Variants in ADAMTS18 observed in about 807,000 individuals in gnomAD.
The protein encoded by ADAMTS18 is ADAM metallopeptidase with thrombospondin type 1 motif 18, also known as A disintegrin and metalloproteinase with thrombospondin motifs 18.
Under a neutral mutation model 165.9 loss-of-function variants are expected in ADAMTS18, and 157 were observed. The observed-to-expected ratio is 0.95, with a 90% CI of 0.83 to 1.08. ADAMTS18 has a LOEUF of 1.08. Among genes scored for constraint, ADAMTS18 ranks in the 50% least tolerant of loss-of-function variants. The pLI is 0.00. For synonymous variants in ADAMTS18, 782 were observed against 578.2 expected, an observed-to-expected ratio of 1.35 and a Z score of -5.06; for missense variants, 2,040 against 1,534.0, an observed-to-expected ratio of 1.33 and a Z score of -5.51.
chr16:77,413,146 C>G (rs1256755903), intron 3 of ADAMTS18, among the ~76,000 whole-genome samples: 1 of 152,124 alleles, frequency 6.6e-6, no homozygotes, highest in African/African-American at 2.4e-5. Context: ...AGGAGTCACA[C>G]CTGAAGAGCA....
intron 3 of ADAMTS18, among the ~76,000 whole-genome samples, chr16:77,409,971 C>T (rs984896225): frequency 9.9e-5 from 15 of 152,072 alleles, no homozygotes; most frequent in African/African-American, 2.7e-4. Context: ...TTGACTCACC[C>T]GATACTACTT....
intron 2 of ADAMTS18, 30 bp downstream of exon 2, chr16:77,434,388 C>A (rs372213738): frequency 1.9e-6 from 3 of 1,553,466 alleles, no homozygotes; most frequent in African/African-American, 1.3e-5. Flanking sequence ...TGCGAAAGGC[C>A]CTTCTTGGGG....
Position 77,434,310 on chromosome 16 carries a change from C to T in ADAMTS18, c.178+108G>A. The T allele has an allele frequency of 3.1e-6, 4 of 1,300,880 alleles. No homozygotes were observed. In the South Asian group the frequency reaches 5.2e-5, roughly 17 times the overall value. 80.6% of individuals were successfully genotyped at this position (1,300,880 alleles called of 1,614,324 possible). On this transcript the variant is annotated intron_variant, in intron 2 of 22. Transcript: ENST00000282849. ...CAGGAACCATTTCCAAGACAGCGCA[C>T]ACCTGCCAGGTTAGGGGGTGCGCTT... is the stretch of plus-strand genomic sequence containing the variant.
At position 77,286,478 on chromosome 16, in the gene ADAMTS18, T is replaced by C. The variant is rs149163952; in HGVS notation, c.3551-2407A>G. Among the ~76,000 whole-genome samples the C allele has an allele frequency of 1.6e-3, 244 of 152,224 alleles. 1 individual carries two copies. The highest frequency in any genetic ancestry group is 5.7e-3 in the African/African-American group (237 of 41,548). On this transcript the variant is annotated intron_variant, in intron 22 of 22. Coordinates refer to ENST00000282849, the MANE Select transcript of ADAMTS18 (RefSeq NM_199355.4). The stretch of plus-strand genomic sequence containing the variant: ...AAGCACTAAAGACATGTGTGAAAAA[T>C]GGAATTACCTTCTTTAATACTCAAA...
chr16:77,389,903 A>G (rs2057162773), intron 3 of ADAMTS18, among the ~76,000 whole-genome samples: 2 of 152,240 alleles, frequency 1.3e-5, no homozygotes, highest in Non-Finnish European at 2.9e-5. Context: ...AGCCCTAAAT[A>G]TTAATAAGAT....
intron 7 of ADAMTS18, among the ~76,000 whole-genome samples, chr16:77,360,503 TG>T (rs1307920826): frequency 2.3e-4 from 35 of 149,312 alleles, no homozygotes; most frequent in Middle Eastern, 3.4e-3. Context: ...TCTGGTGTTT[TG>T]TTTTTTCCAA....
chr16:77,341,873 T>C (rs1010914507), intron 10 of ADAMTS18, 74 bp from the exon 11 acceptor site: 11 of 1,136,230 alleles, frequency 9.7e-6, no homozygotes, highest in African/African-American at 4.6e-5. Flanking sequence ...AGATGTTGTA[T>C]ATAATATTAT....
chr16:77,376,747 A>C (rs2056959096), intron 3 of ADAMTS18, among the ~76,000 whole-genome samples: 1 of 152,180 alleles, frequency 6.6e-6, no homozygotes. Context: ...AATGAGAAAA[A>C]AACAAGTGTT....
At chr16:77,369,562 G>C (rs2056847366) in intron 3 of ADAMTS18, among the ~76,000 whole-genome samples, 1 of 152,132 alleles carries the variant, frequency 6.6e-6, no homozygotes, top group Admixed American at 6.5e-5. Context: ...CAGAAAATCT[G>C]AACAAACCAA....
At chr16:77,368,290 G>A (rs770074430) in intron 3 of ADAMTS18, among the ~76,000 whole-genome samples, 10 of 152,160 alleles carry the variant, frequency 6.6e-5, no homozygotes, top group African/African-American at 9.6e-5. Flanking sequence ...CAGCCCTGAT[G>A]TTTGTGCCTG....
chr16:77,341,858 T>C, intron 10 of ADAMTS18, 59 bp from the exon 11 acceptor site: 1 of 1,207,080 alleles, frequency 8.3e-7, no homozygotes, highest in South Asian at 1.3e-5. Flanking sequence ...AACAAAAATA[T>C]TCAAAGATGT....
At position 77,367,527 on chromosome 16, in the gene ADAMTS18, T is replaced by G. The variant is rs374655034; in HGVS notation, c.692A>C (p.His231Pro). The change falls in exon 4 of 23, where the codon CAC becomes CCC. Residue 231 changes from histidine to proline, a missense_variant. By Grantham distance (77) the His-to-Pro change is moderately conservative. Transcript: ENST00000282849. ...GRNYPGYSPS[H>P]IPHASQSRET... ...TCGACTCTGAGATGCATGGGGAATG[T>G]GACTTGGGGAGTAACCAGGATAATT... 35 of 1,614,238 alleles carry G rather than the reference T, an allele frequency of 2.2e-5. No individual in the cohort carries two copies. The African/African-American group carries it at 4.1e-4, about 19-fold the overall frequency.
At chr16:77,382,928 C>T (rs2057053025) in intron 3 of ADAMTS18, among the ~76,000 whole-genome samples, 1 of 152,156 alleles carries the variant, frequency 6.6e-6, no homozygotes, top group African/African-American at 2.4e-5. Flanking sequence ...GGAGAAGATC[C>T]TACCTCATAT....
intron 3 of ADAMTS18, among the ~76,000 whole-genome samples, chr16:77,399,496 C>G (rs774546697): frequency 6.6e-6 from 1 of 152,156 alleles, no homozygotes; most frequent in Middle Eastern, 3.4e-3. Context: ...GTTTCCCTAC[C>G]CTAGAAGATA....
rs1367591689 is a variant in ADAMTS18 at position 77,355,936 on chromosome 16, A to G, written c.1460+4T>C. On this transcript the variant is annotated splice_donor_region_variant and intron_variant, in intron 9 of 22. Coordinates refer to ENST00000282849, the MANE Select transcript of ADAMTS18 (RefSeq NM_199355.4). ...GGAGCACCCCAGGATTTAACCTGTC[A>G]TACCTGAGGAATTTCTTGAGATACT... The G allele has an allele frequency of 6.2e-7, 1 of 1,613,994 alleles. No individual in the cohort carries two copies. The highest frequency in any genetic ancestry group is 8.5e-7 in the Non-Finnish European group (1 of 1,179,902).
At chr16:77,355,561 AG>A (rs1168268298) in intron 9 of ADAMTS18, among the ~76,000 whole-genome samples, 1 of 152,176 alleles carries the variant, frequency 6.6e-6, no homozygotes, top group East Asian at 1.9e-4. Flanking sequence ...TGGAAGTCAC[AG>A]GGGAGAGATG....
intron 3 of ADAMTS18, among the ~76,000 whole-genome samples, chr16:77,409,946 C>A (rs568560022): frequency 6.6e-6 from 1 of 152,224 alleles, no homozygotes; most frequent in African/African-American, 2.4e-5. Flanking sequence ...CAGTATTTGT[C>A]TGGGTGGGAT....
chr16:77,417,658 G>T lies in ADAMTS18; in HGVS notation c.495+13637C>A, dbSNP rs148920872. Among the ~76,000 whole-genome samples the T allele has an allele frequency of 5.8e-3, 889 of 152,318 alleles. 6 individuals are homozygous for T. Among genetic ancestry groups the T allele is most frequent in the African/African-American group, 0.02 (834 of 41,568 alleles). On this transcript the variant is annotated intron_variant, in intron 3 of 22. Transcript: ENST00000282849. ...CGACTATTTTTAAAAGAACTAAAGT[G>T]TAAGTGGCATATGTATACATGTGCC...
rs1456076426 is a variant in ADAMTS18, at chr16:77,359,398, G to C, written c.1242C>G (p.Cys414Trp). Residue 414 changes from cysteine (C) to tryptophan (W), a missense_variant, in exon 8 of 23, where the codon TGC becomes TGG. Cys to Trp is a radical substitution (Grantham distance 215). Transcript: ENST00000282849. ...TLGFAPISGM[C>W]SKYRSCTINE... ...TGATGGTACAACTTCGGTACTTAGA[G>C]CACATTCCACTGATGGGGGCAAACC... 6.2e-7 allele frequency: 1 copy of C among 1,613,880 alleles called. No individual in the cohort carries two copies. The highest frequency in any genetic ancestry group is 1.7e-5 in the Admixed American group (1 of 59,996).
Sources: gnomAD v4.1 joint callset for allele counts (sites outside exome capture counted in the v4.1 genomes callset) on GRCh38, gnomAD v4.1.1 for gene constraint, MANE v1.5 for transcripts, NCBI Gene and HGNC (gene_info 2026-07-23, HGNC 2026-07-21) for gene names.